Variants in NUP58 observed in about 807,000 individuals in gnomAD.
NUP58 encodes the protein nucleoporin 58, also known as nucleoporin p58/p45.
NUP58 carries 17 observed loss-of-function variants against 70.1 expected under a neutral mutation model. The ratio of observed to expected loss-of-function variants is 0.24; its 90% CI spans 0.17 to 0.36. The LOEUF (loss-of-function observed/expected upper bound fraction) is 0.36, where lower values mean the gene tolerates loss of function less well. Ranked by LOEUF, NUP58 falls within the 10% of genes least tolerant of loss-of-function variation. NUP58 has a pLI of 1.00. For missense variants in NUP58, 644 were observed against 701.5 expected (o/e 0.92, Z 0.93); for synonymous variants, 275 against 257.6 (o/e 1.07, Z -0.65).
At chr13:25,307,193 C>G (rs1278970826) in intron 1 of NUP58, among the ~76,000 whole-genome samples, 1 of 139,442 alleles carries the variant, frequency 7.2e-6, no homozygotes, top group African/African-American at 2.6e-5. Context: ...GACTGCTTTT[C>G]TTGAAATCTG....
chr13:25,326,358 A>C (rs2031394686), intron 10 of NUP58, among the ~76,000 whole-genome samples: 1 of 150,102 alleles, frequency 6.7e-6, no homozygotes, highest in African/African-American at 2.5e-5. Flanking sequence ...TTATCTGTCT[A>C]GCACTCTCTG....
At chr13:25,336,638 T>A (rs1163451216) in intron 13 of NUP58, among the ~76,000 whole-genome samples, 1 of 152,204 alleles carries the variant, frequency 6.6e-6, no homozygotes, top group Non-Finnish European at 1.5e-5. Context: ...CATTAAAGAT[T>A]TCAAATTATT....
In NUP58 at chr13:25,332,064, G is replaced by GT. The variant is rs1358508834; in HGVS notation, c.1435+507dup. The GT allele has an allele frequency of 4.0e-6, 4 of 1,001,880 alleles. No homozygotes were observed. In the African/African-American group the frequency reaches 6.9e-5, roughly 17 times the overall value. The allele number at this position is 1,001,880 out of a possible 1,614,324, so 62.1% of individuals were successfully genotyped here. A position where few individuals can be genotyped will look rare whatever the true frequency, so the allele number is the denominator to read the frequency against. On this transcript the variant is annotated intron_variant, in intron 13 of 15. Coordinates refer to ENST00000381736, the MANE Select transcript of NUP58 (RefSeq NM_014089.4). Reference sequence around the variant, plus strand: ...ATGTTGAAGATCAATAGGCTTGTTTGTATGTATGTTGACTGTAAACAGAAT... The same window carrying GT: ...ATGTTGAAGATCAATAGGCTTGTTTGTTATGTATGTTGACTGTAAACAGAAT...
intron 13 of NUP58, chr13:25,332,084 CAG>C: frequency 3.0e-6 from 3 of 995,498 alleles, no homozygotes; most frequent in Non-Finnish European, 3.6e-6. Flanking sequence ...TGACTGTAAA[CAG>C]AATACAAGCC....
At chr13:25,331,942 T>C (rs1051016702) in intron 13 of NUP58, 3 of 1,066,932 alleles carry the variant, frequency 2.8e-6, no homozygotes, top group Non-Finnish European at 3.4e-6. Flanking sequence ...ATTTTTCATA[T>C]ATGATACTGA....
chr13:25,327,554 C>T, intron 12 of NUP58, 42 bp downstream of exon 12: 1 of 1,293,370 alleles, frequency 7.7e-7, no homozygotes, highest in Non-Finnish European at 1.1e-6. Context: ...ATATGTAGAC[C>T]CAAGTATTTG....
chr13:25,302,774 C>T (rs1456934399), intron 1 of NUP58, among the ~76,000 whole-genome samples: 1 of 152,124 alleles, frequency 6.6e-6, no homozygotes, highest in African/African-American at 2.4e-5. Context: ...GCATGACCTG[C>T]AGTTTAAAAA....
At chr13:25,325,707 G>T (rs1209747653) in intron 10 of NUP58, among the ~76,000 whole-genome samples, 1 of 152,110 alleles carries the variant, frequency 6.6e-6, no homozygotes, top group African/African-American at 2.4e-5. Context: ...AGTGGTGGAG[G>T]TCTGTTTGAT....
chr13:25,338,648 G>T lies in NUP58; in HGVS notation c.1547G>T (p.Ser516Ile), dbSNP rs201505900. The part of the protein sequence containing the change: ...GSSNLGGFGT[S>I]SGFGCSTTGA... The stretch of plus-strand genomic sequence containing the variant: ...ACCCTTCCACTAGGATTTGGAACTA[G>T]CTCTGGTTTTGGATGCAGCACCACA... The change falls in exon 15 of 16, where the codon AGC (serine) becomes ATC (isoleucine). Residue 516 changes from serine (S) to isoleucine (I), a missense_variant. By Grantham distance (142) the Ser-to-Ile change is moderately radical. Around this residue, in one of 4 missense-constraint regions of NUP58, gnomAD observed 132 missense variants for 203.9 expected, o/e 0.65. Transcript: ENST00000381736. 2.9e-5 allele frequency: 47 copies of T among 1,613,204 alleles called. No individual in the cohort carries two copies. Among genetic ancestry groups the T allele is most frequent in the Non-Finnish European group, 3.6e-5 (42 of 1,179,426 alleles).
At position 25,327,040 on chromosome 13, in the gene NUP58, A is replaced by G. The variant is rs1315354920; in HGVS notation, c.1150+6A>G. On this transcript the variant is annotated splice_donor_region_variant and intron_variant, in intron 11 of 15. Coordinates refer to ENST00000381736, the MANE Select transcript of NUP58 (RefSeq NM_014089.4). The stretch of plus-strand genomic sequence containing the variant: ...TTCACATATAACCCCTCAAGGTAAC[A>G]TGCTTACTGTGGTAATTTTTTTTGA... The G allele has an allele frequency of 3.3e-6, 5 of 1,493,682 alleles. No homozygotes were observed. Among genetic ancestry groups the G allele is most frequent in the South Asian group, 1.2e-5 (1 of 83,206 alleles). The allele number at this position is 1,493,682 out of a possible 1,614,324, so 92.5% of individuals were successfully genotyped here.
At chr13:25,304,500 A>T (rs370145954) in intron 1 of NUP58, among the ~76,000 whole-genome samples, 1 of 95,186 alleles carries the variant, frequency 1.1e-5, no homozygotes, top group South Asian at 3.3e-4. Flanking sequence ...ATATATATAT[A>T]TATATATATA....
intron 4 of NUP58, 38 bp downstream of exon 4, chr13:25,313,070 A>T (rs749252318): frequency 6.3e-7 from 1 of 1,597,344 alleles, no homozygotes; most frequent in East Asian, 2.2e-5. Context: ...TTAATGGTTA[A>T]ATTTCAATTT....
At chr13:25,321,811 G>A (rs1254663497) in intron 9 of NUP58, among the ~76,000 whole-genome samples, 2 of 152,092 alleles carry the variant, frequency 1.3e-5, no homozygotes, top group South Asian at 4.1e-4. Flanking sequence ...CAGCTATTCC[G>A]GAGGCTGAGG....
chr13:25,340,082 A>G lies in NUP58; in HGVS notation c.1748A>G (p.Gln583Arg). The G allele has an allele frequency of 6.2e-7, 1 of 1,613,764 alleles. No individual in the cohort carries two copies. Among genetic ancestry groups the G allele is most frequent in the Admixed American group, 1.7e-5 (1 of 59,918 alleles). ...TCTGCAGGTTTTGGAACAGGAGGAC[A>G]ACTCCTTCAGTTGAAGAAACCTCCA... ...PASAGFGTGG[Q>R]LLQLKKPPAG... The change falls in exon 16 of 16, where the codon CAA (glutamine) becomes CGA (arginine). Residue 583 changes from glutamine to arginine, a missense_variant. Around this residue, in one of 4 missense-constraint regions of NUP58, gnomAD observed 132 missense variants for 203.9 expected, o/e 0.65. Coordinates refer to ENST00000381736, the MANE Select transcript of NUP58 (RefSeq NM_014089.4).
Position 25,331,405 on chromosome 13 carries a change from G to A in NUP58, c.1282G>A (p.Ala428Thr). 1 of 1,614,172 alleles carries A rather than the reference G, an allele frequency of 6.2e-7. No individual in the cohort carries two copies. Among genetic ancestry groups the A allele is most frequent in the Non-Finnish European group, 8.5e-7 (1 of 1,180,010 alleles). Residue 428 changes from alanine (A) to threonine (T), a missense_variant, in exon 13 of 16, where the codon GCT becomes ACT. By Grantham distance (58) the Ala-to-Thr change is moderately conservative. Transcript: ENST00000381736. ...LGYRKMFLGD[A>T]VDVFETRRAE... ...CTACAGGAAAATGTTCTTGGGAGAT[G>A]CTGTTGATGTGTTTGAAACAAGGCG...
In NUP58 at chr13:25,330,465, T is replaced by C. The variant is rs189214577; in HGVS notation, c.1234-892T>C. On this transcript the variant is annotated intron_variant, in intron 12 of 15. Transcript: ENST00000381736. ...ACAACAGTAAGATTTTTAAGTGCTG[T>C]ATTTGTTATAATCAGAACCTAATGT... Among the ~76,000 whole-genome samples, 442 of 152,350 alleles carry C rather than the reference T, an allele frequency of 2.9e-3. 1 individual carries two copies. The highest frequency in any genetic ancestry group is 4.5e-3 in the Non-Finnish European group (306 of 68,034).
chr13:25,305,025 G>A lies in NUP58; in HGVS notation c.108-2781G>A, dbSNP rs185036406. On this transcript the variant is annotated intron_variant, in intron 1 of 15. Coordinates refer to ENST00000381736, the MANE Select transcript of NUP58 (RefSeq NM_014089.4). ...CATACTATATTCTTTTGCTTGTAGC[G>A]CTCACTTAGGTTTCTGTGTGTGTGA... Among the ~76,000 whole-genome samples, 28 of 151,902 alleles carry A rather than the reference G, an allele frequency of 1.8e-4. No homozygotes were observed. The East Asian group carries it at 3.7e-3, about 20-fold the overall frequency.
Position 25,336,982 on chromosome 13 carries a change from A to G in NUP58, c.1482A>G (p.Ser494=). 6.2e-7 allele frequency: 1 copy of G among 1,608,008 alleles called. No homozygotes were observed. Among genetic ancestry groups the G allele is most frequent in the Admixed American group, 1.7e-5 (1 of 58,658 alleles). Reference sequence around the variant, plus strand: ...TTAGTTTTGGAACGCCATTCGGCTCAGGTATTGGCACTGGCTTGCAATCAA... The same window carrying G: ...TTAGTTTTGGAACGCCATTCGGCTCGGGTATTGGCACTGGCTTGCAATCAA... ...LGVSFGTPFG[S]GIGTGLQSSG... Residue 494 remains serine (S), a synonymous_variant, in exon 14 of 16, where the codon TCA becomes TCG. Coordinates refer to ENST00000381736, the MANE Select transcript of NUP58 (RefSeq NM_014089.4).
At position 25,340,589 on chromosome 13, in the gene NUP58, T is replaced by C. The variant is rs2031924784; in HGVS notation, c.*455T>C. Reference sequence around the variant, plus strand: ...GGCATCTTGTGAATATGTATGTAAATATATACAGAATAATACACACAGTTG... The same window carrying C: ...GGCATCTTGTGAATATGTATGTAAACATATACAGAATAATACACACAGTTG... On this transcript the variant is annotated 3_prime_UTR_variant, in exon 16 of 16. Transcript: ENST00000381736. The C allele has an allele frequency of 6.5e-6, 1 of 152,838 alleles. No homozygotes were observed. Among genetic ancestry groups the C allele is most frequent in the South Asian group, 2.1e-4 (1 of 4,874 alleles). The allele number at this position is 152,838 out of a possible 1,614,324, so 9.5% of individuals were successfully genotyped here. A position where few individuals can be genotyped will look rare whatever the true frequency, so the allele number is the denominator to read the frequency against.
Sources: gnomAD v4.1 joint callset for allele counts (sites outside exome capture counted in the v4.1 genomes callset) on GRCh38, gnomAD v4.1.1 for gene constraint, gnomAD v4.1.1 regional missense constraint, MANE v1.5 for transcripts, NCBI Gene and HGNC (gene_info 2026-07-23, HGNC 2026-07-21) for gene names.